The following CSMD3 variants were observed in gnomAD, a reference collection of about 807,000 sequenced individuals.
CSMD3 encodes the protein CUB and sushi domain-containing protein 3.
A neutral mutation model predicts 435.2 loss-of-function variants in CSMD3; 177 were observed. The ratio of observed to expected loss-of-function variants is 0.41; its 90% CI spans 0.36 to 0.46. The LOEUF is 0.46. Among genes scored for constraint, CSMD3 ranks in the 20% least tolerant of loss-of-function variants. CSMD3 has a pLI of 0.34. For missense variants in CSMD3, 4,265 were observed against 4,504.6 expected (o/e 0.95, Z 1.52); for synonymous variants, 1,656 against 1,520.5 (o/e 1.09, Z -2.07).
At chr8:113,148,389 G>A (rs1474860192) in intron 4 of CSMD3, among the ~76,000 whole-genome samples, 1 of 151,602 alleles carries the variant, frequency 6.6e-6, no homozygotes, top group Non-Finnish European at 1.5e-5. Context: ...CTGCGGATCA[G>A]TTATATGCTC....
At chr8:112,230,947 C>T (rs993518139) in intron 69 of CSMD3, among the ~76,000 whole-genome samples, 2 of 152,086 alleles carry the variant, frequency 1.3e-5, no homozygotes, top group Non-Finnish European at 2.9e-5. Flanking sequence ...GAATTATACA[C>T]CAAAAGCTAT....
chr8:113,401,648 T>C (rs1243156692), intron 1 of CSMD3, among the ~76,000 whole-genome samples: 3 of 151,642 alleles, frequency 2.0e-5, no homozygotes, highest in Non-Finnish European at 4.4e-5. Flanking sequence ...TCTAGTAAAA[T>C]AAAATTTTTA....
chr8:113,247,360 T>C (rs547510799), intron 3 of CSMD3, among the ~76,000 whole-genome samples: 4 of 152,252 alleles, frequency 2.6e-5, no homozygotes, highest in Admixed American at 2.6e-4. Flanking sequence ...ATGGGCCTTT[T>C]TGATGAGCTT....
At chr8:112,582,502 A>C (rs1830403838) in intron 23 of CSMD3, among the ~76,000 whole-genome samples, 1 of 152,034 alleles carries the variant, frequency 6.6e-6, no homozygotes, top group Admixed American at 6.6e-5. Flanking sequence ...AGCTAAAGGA[A>C]GAGTGGCAGG....
At chr8:112,391,552 C>T (rs2131297) in intron 35 of CSMD3, among the ~76,000 whole-genome samples, 31,308 of 151,866 alleles carry the variant, frequency 0.21, 3,939 homozygotes, top group East Asian at 0.41. Flanking sequence ...ATTAGCCAGA[C>T]GTGATGGTGG....
intron 4 of CSMD3, among the ~76,000 whole-genome samples, chr8:113,122,052 A>G (rs1226752070): frequency 1.3e-5 from 2 of 152,254 alleles, no homozygotes; most frequent in South Asian, 4.1e-4. Flanking sequence ...AAGAAAATAC[A>G]TCATTTCAAA....
At chr8:112,630,185 G>A (rs114494428) in intron 22 of CSMD3, among the ~76,000 whole-genome samples, 2,056 of 152,212 alleles carry the variant, frequency 0.014, 30 homozygotes, top group Middle Eastern at 0.041. Flanking sequence ...CAGAAACCAT[G>A]AGAAAGTAAC....
intron 1 of CSMD3, among the ~76,000 whole-genome samples, chr8:113,430,926 A>G (rs1353120576): frequency 6.6e-6 from 1 of 152,226 alleles, no homozygotes; most frequent in Non-Finnish European, 1.5e-5. Context: ...AACTTAAGAC[A>G]TGAAATATAT....
intron 7 of CSMD3, among the ~76,000 whole-genome samples, chr8:112,960,647 A>G (rs2084192300): frequency 6.6e-6 from 1 of 151,740 alleles, no homozygotes; most frequent in Admixed American, 6.6e-5. Context: ...ATTTGATGAG[A>G]AATGTAGTAG....
intron 10 of CSMD3, among the ~76,000 whole-genome samples, chr8:112,900,496 A>C (rs2082083563): frequency 1.3e-5 from 2 of 151,110 alleles, no homozygotes; most frequent in Admixed American, 1.3e-4. Flanking sequence ...TGTTCTCTTC[A>C]TGTGATACTG....
chr8:112,719,446 G>A (rs2076808469), intron 13 of CSMD3, among the ~76,000 whole-genome samples: 2 of 152,198 alleles, frequency 1.3e-5, no homozygotes, highest in South Asian at 4.1e-4. Flanking sequence ...TCTGGAGGCT[G>A]AGAAGTCTAA....
chr8:112,604,345 T>C (rs969048699), intron 22 of CSMD3, among the ~76,000 whole-genome samples: 2 of 152,138 alleles, frequency 1.3e-5, no homozygotes, highest in African/African-American at 2.4e-5. Flanking sequence ...AGTTTTTTTC[T>C]AATTATGTGA....
rs140224150 is a variant in CSMD3, at chr8:113,140,367, A to G, written c.709+33355T>C. On this transcript the variant is annotated intron_variant, in intron 4 of 70. Coordinates refer to ENST00000297405, the MANE Select transcript of CSMD3 (RefSeq NM_198123.2). Reference sequence around the variant, plus strand: ...GATAGAGCAACTAGATGGAAAATCAATAAGAATATGGAACAACTCAGTAAC... The same window carrying G: ...GATAGAGCAACTAGATGGAAAATCAGTAAGAATATGGAACAACTCAGTAAC... Among the ~76,000 whole-genome samples the G allele has an allele frequency of 7.1e-3, 1,074 of 150,902 alleles. 5 individuals are homozygous for G. The highest frequency in any genetic ancestry group is 0.038 in the Middle Eastern group (11 of 292).
chr8:113,389,065 T>A (rs2094450678), intron 1 of CSMD3, among the ~76,000 whole-genome samples: 1 of 151,614 alleles, frequency 6.6e-6, no homozygotes. Context: ...ACAACAAAGT[T>A]TTTAATAAAA....
intron 4 of CSMD3, among the ~76,000 whole-genome samples, chr8:113,123,420 C>T (rs578139848): frequency 5.3e-5 from 8 of 152,084 alleles, no homozygotes; most frequent in Non-Finnish European, 1.2e-4. Flanking sequence ...ATTGCCTATT[C>T]TTGCAAATAA....
At chr8:112,917,475 G>A (rs1392877153) in intron 10 of CSMD3, among the ~76,000 whole-genome samples, 1 of 151,728 alleles carries the variant, frequency 6.6e-6, no homozygotes, top group African/African-American at 2.4e-5. Flanking sequence ...GTTTATTATT[G>A]AGACATTGGG....
At chr8:112,810,999 T>C (rs1370394696) in intron 12 of CSMD3, among the ~76,000 whole-genome samples, 1 of 152,048 alleles carries the variant, frequency 6.6e-6, no homozygotes, top group Admixed American at 6.6e-5. Context: ...TAATCAAGAA[T>C]CTGCTTGAAC....
intron 1 of CSMD3, among the ~76,000 whole-genome samples, chr8:113,366,103 G>A (rs2094309737): frequency 6.6e-6 from 1 of 151,982 alleles, no homozygotes; most frequent in South Asian, 2.1e-4. Context: ...AATACTCTAG[G>A]ATTTGATGCC....
At chr8:112,259,262 A>G (rs1816147046) in intron 61 of CSMD3, among the ~76,000 whole-genome samples, 1 of 152,164 alleles carries the variant, frequency 6.6e-6, no homozygotes. Flanking sequence ...ATGCAGCCAT[A>G]AAAAAGGATG....
Sources: allele counts gnomAD v4.1 joint callset (sites outside exome capture counted in the v4.1 genomes callset), GRCh38; gene constraint gnomAD v4.1.1; transcripts MANE v1.5; gene names NCBI Gene and HGNC (gene_info 2026-07-23, HGNC 2026-07-21).